KIFBP: variants seen among roughly 807,000 people sequenced by gnomAD.
The protein encoded by KIFBP is kinesin family binding protein.
In KIFBP, 46 loss-of-function variants were observed where a neutral mutation model predicts 58.9. The observed-to-expected ratio is 0.78, with a 90% CI of 0.62 to 1.00. The LOEUF is 1.00. KIFBP is among the 50% of genes least tolerant of loss of function. The pLI, the probability that KIFBP is intolerant of heterozygous loss-of-function variation, is 0.00. For missense variants in KIFBP, 651 were observed against 752.9 expected (o/e 0.86, Z 1.58); for synonymous variants, 241 against 283.4 (o/e 0.85, Z 1.50).
rs777155201 is a variant in KIFBP, at chr10:69,000,528, T to C, written c.525+6T>C. 7.2e-6 allele frequency: 11 copies of C among 1,527,520 alleles called. No homozygotes were observed. Among genetic ancestry groups the C allele is most frequent in the Non-Finnish European group, 1.0e-5 (11 of 1,101,548 alleles). The allele number at this position is 1,527,520 out of a possible 1,614,324, so 94.6% of individuals were successfully genotyped here. On this transcript the variant is annotated splice_donor_region_variant and intron_variant, in intron 2 of 6. Transcript: ENST00000361983. ...ATAATCAGTATATGAAAGAGGTATG[T>C]TACATGTCAGATGAGTTTTAAGTTT...
chr10:69,005,856 T>C lies in KIFBP; in HGVS notation c.730T>C (p.Tyr244His). The C allele has an allele frequency of 6.2e-7, 1 of 1,614,148 alleles. No homozygotes were observed. Among genetic ancestry groups the C allele is most frequent in the African/African-American group, 1.3e-5 (1 of 75,070 alleles). Residue 244 changes from tyrosine (Y) to histidine (H), a missense_variant, in exon 4 of 7, where the codon TAC (tyrosine) becomes CAC (histidine). Tyr to His is a moderately conservative substitution (Grantham distance 83). Transcript: ENST00000361983. ...AAAACGCCAGCTTGAGCACAATGCC[T>C]ACCATCCTATAGAGTGGGCTATCAA... The part of the protein sequence containing the change: ...TLKRQLEHNA[Y>H]HPIEWAINAA...
intron 6 of KIFBP, among the ~76,000 whole-genome samples, chr10:69,014,690 C>CT (rs1838965408): frequency 6.9e-6 from 1 of 145,452 alleles, no homozygotes; most frequent in Non-Finnish European, 1.5e-5. Flanking sequence ...TCTTAACCAC[C>CT]TTAGTTATTC....
At chr10:69,010,814 G>GA in intron 5 of KIFBP, 86 bp from the exon 6 acceptor site, 1 of 862,466 alleles carries the variant, frequency 1.2e-6, no homozygotes, top group Non-Finnish European at 1.9e-6. Flanking sequence ...TTATAGTCAG[G>GA]AAAAAGTGAT....
rs117683600 is a variant in KIFBP at position 69,013,939 on chromosome 10, C to T, written c.991-1602C>T. Among the ~76,000 whole-genome samples, 806 of 152,138 alleles carry T rather than the reference C, an allele frequency of 5.3e-3. 5 individuals are homozygous for T. Among genetic ancestry groups the T allele is most frequent in the Non-Finnish European group, 8.1e-3 (548 of 67,990 alleles). ...TAATTCTTTGTATTTTTGTTAGAGA[C>T]GATGTTTTACCATGTTGCCCAGGCT... On this transcript the variant is annotated intron_variant, in intron 6 of 6. Transcript: ENST00000361983.
At chr10:69,011,160 T>C in intron 6 of KIFBP, 145 bp downstream of exon 6, 1 of 683,722 alleles carries the variant, frequency 1.5e-6, no homozygotes, top group Admixed American at 2.2e-5. Context: ...TCTTTCTTGG[T>C]TTTAAATCGT....
intron 2 of KIFBP, among the ~76,000 whole-genome samples, chr10:69,002,674 T>C (rs112399245): frequency 4.1e-5 from 6 of 145,042 alleles, no homozygotes; most frequent in African/African-American, 1.5e-4. Flanking sequence ...TTGCCTGACT[T>C]AGAGGTTCAA....
At chr10:69,003,341 G>T (rs1191787501) in intron 2 of KIFBP, among the ~76,000 whole-genome samples, 1 of 152,148 alleles carries the variant, frequency 6.6e-6, no homozygotes, top group Non-Finnish European at 1.5e-5. Flanking sequence ...TATTGTGTTT[G>T]CCTTGGGCCT....
intron 4 of KIFBP, chr10:69,007,528 A>C (rs1843548293): frequency 1.3e-5 from 2 of 152,198 alleles, no homozygotes; most frequent in Admixed American, 1.3e-4. Flanking sequence ...AATGACGATA[A>C]ATGTTAAGGG....
At chr10:69,005,384 A>G (rs1323264304) in intron 3 of KIFBP, among the ~76,000 whole-genome samples, 1 of 152,154 alleles carries the variant, frequency 6.6e-6, no homozygotes, top group Non-Finnish European at 1.5e-5. Flanking sequence ...TACTTATAAA[A>G]CGTAAACCAT....
intron 1 of KIFBP, among the ~76,000 whole-genome samples, chr10:68,990,692 A>G (rs1433067412): frequency 6.6e-6 from 1 of 152,140 alleles, no homozygotes; most frequent in African/African-American, 2.4e-5. Context: ...TTGATTATTA[A>G]AGAAGGAAAA....
chr10:69,015,249 G>A (rs1048426449), intron 6 of KIFBP: 2 of 346,640 alleles, frequency 5.8e-6, no homozygotes, highest in South Asian at 3.3e-5. Context: ...TTTACATGTA[G>A]CATTTATCTT....
chr10:69,001,103 G>A (rs1022149472), intron 2 of KIFBP, among the ~76,000 whole-genome samples: 1 of 152,056 alleles, frequency 6.6e-6, no homozygotes, highest in Non-Finnish European at 1.5e-5. Context: ...CTGCTTCAGG[G>A]CAATGGTTTT....
chr10:68,998,354 T>C (rs1265322676), intron 1 of KIFBP, among the ~76,000 whole-genome samples: 1 of 152,138 alleles, frequency 6.6e-6, no homozygotes, highest in Non-Finnish European at 1.5e-5. Flanking sequence ...AAAGTAATGA[T>C]GAGCATAAAT....
At chr10:68,989,380 T>G in intron 1 of KIFBP, 122 bp downstream of exon 1, 1 of 1,097,690 alleles carries the variant, frequency 9.1e-7, no homozygotes. Flanking sequence ...TTTGTAGCTC[T>G]GGACTGAGTC....
In KIFBP at chr10:69,016,375, A is replaced by G. The variant is rs1354919783; in HGVS notation, c.1825A>G (p.Thr609Ala). 8 of 1,614,028 alleles carry G rather than the reference A, an allele frequency of 5.0e-6. No individual in the cohort carries two copies. The highest frequency in any genetic ancestry group is 1.6e-4 in the Middle Eastern group (1 of 6,084). ...LSKEMVSLLPTKMERFRTKMA... is the reference protein window; with the variant it reads ...LSKEMVSLLPAKMERFRTKMA... ...TAAAGAGATGGTTAGTCTTCTCCCAACAAAAATGGAGAGATTCAGAACCAA... is the reference window on the plus strand; with the variant it reads ...TAAAGAGATGGTTAGTCTTCTCCCAGCAAAAATGGAGAGATTCAGAACCAA... The change falls in exon 7 of 7, where the codon ACA (threonine) becomes GCA (alanine). Residue 609 changes from threonine to alanine, a missense_variant. Thr to Ala is a moderately conservative substitution (Grantham distance 58). Coordinates refer to ENST00000361983, the MANE Select transcript of KIFBP (RefSeq NM_015634.4).
chr10:68,989,843 G>GAGATCTA, intron 1 of KIFBP: 2 of 153,196 alleles, frequency 1.3e-5, no homozygotes, highest in Admixed American at 6.5e-5. Context: ...AACCACAGGC[G>GAGATCTA]CATGCCACCA....
chr10:69,011,678 C>T (rs538175801), intron 6 of KIFBP, among the ~76,000 whole-genome samples: 118 of 138,132 alleles, frequency 8.5e-4, no homozygotes, highest in East Asian at 2.3e-3. Context: ...GCCACTGTGC[C>T]TAATCTTTTT....
intron 1 of KIFBP, among the ~76,000 whole-genome samples, chr10:68,994,302 T>A (rs573164793): frequency 3.9e-5 from 6 of 152,328 alleles, no homozygotes; most frequent in African/African-American, 1.2e-4. Flanking sequence ...TACATGTGAA[T>A]ATATACAAAT....
At position 69,000,363 on chromosome 10, in the gene KIFBP, A is replaced by C. The variant is rs1843453235; in HGVS notation, c.427-61A>C. 2.7e-6 allele frequency: 3 copies of C among 1,127,700 alleles called. No homozygotes were observed. The East Asian group carries it at 7.1e-5, about 27-fold the overall frequency. 69.9% of individuals were successfully genotyped at this position (1,127,700 alleles called of 1,614,324 possible). A position where few individuals can be genotyped will look rare whatever the true frequency, so the allele number is the denominator to read the frequency against. The stretch of plus-strand genomic sequence containing the variant: ...TATAAGTATTGACTTCAAAACTATG[A>C]AAGTTACTTTAATTGGAAGTCTTAT... On this transcript the variant is annotated intron_variant, in intron 1 of 6. Coordinates refer to ENST00000361983, the MANE Select transcript of KIFBP (RefSeq NM_015634.4).
Sources: allele counts gnomAD v4.1 joint callset (sites outside exome capture counted in the v4.1 genomes callset), GRCh38; gene constraint gnomAD v4.1.1; transcripts MANE v1.5; gene names NCBI Gene and HGNC (gene_info 2026-07-23, HGNC 2026-07-21).